AFAP1L2: variants seen among roughly 807,000 people sequenced by gnomAD.
AFAP1L2 encodes the protein actin filament associated protein 1 like 2.
A neutral mutation model predicts 99.3 loss-of-function variants in AFAP1L2; 46 were observed. The ratio of observed to expected loss-of-function variants is 0.46; its 90% confidence interval spans 0.37 to 0.59. The LOEUF is 0.59. Among genes scored for constraint, AFAP1L2 ranks in the 20% least tolerant of loss-of-function variants. The pLI is 0.00. For synonymous variants in AFAP1L2, 397 were observed against 419.1 expected (o/e 0.95, Z 0.64); for missense variants, 959 against 1,034.9 (o/e 0.93, Z 1.01).
downstream of AFAP1L2, chr10:114,291,336 T>G (rs1174737800): frequency 5.8e-6 from 8 of 1,385,666 alleles, no homozygotes; most frequent in African/African-American, 1.5e-5. Context: ...CTGGAATGTC[T>G]GTGCCCCAGG....
chr10:114,307,683 C>T, intron 10 of AFAP1L2, 122 bp downstream of exon 10: 2 of 762,676 alleles, frequency 2.6e-6, no homozygotes, highest in Admixed American at 2.3e-5. Flanking sequence ...TGCAGGCTCT[C>T]CATTCCTAGA....
chr10:114,349,172 G>A (rs930899845), intron 1 of AFAP1L2, among the ~76,000 whole-genome samples: 65 of 151,858 alleles, frequency 4.3e-4, no homozygotes, highest in African/African-American at 1.5e-3. Context: ...GAGGTCAAGG[G>A]TTTGAGACCA....
At chr10:114,392,888 C>G (rs1356129291) in intron 1 of AFAP1L2, among the ~76,000 whole-genome samples, 1 of 152,198 alleles carries the variant, frequency 6.6e-6, no homozygotes, top group Admixed American at 6.5e-5. Flanking sequence ...TCCAAGCTGC[C>G]TCAACCTTCC....
chr10:114,394,451 T>C (rs1039823731), intron 1 of AFAP1L2, among the ~76,000 whole-genome samples: 1 of 43,056 alleles, frequency 2.3e-5, no homozygotes, highest in Non-Finnish European at 4.8e-5. Context: ...CAGGAGAGAG[T>C]TGGGAGGGTC....
rs536141924 is a variant in AFAP1L2 at position 114,344,093 on chromosome 10, T to C, written c.17-3362A>G. On this transcript the variant is annotated intron_variant, in intron 1 of 18. Transcript: ENST00000304129. ...CCCTGATGGTCTGCAAACAAACATTTCCTACTGTGAAGTCCACGAGCATTG... is the reference window on the plus strand; with the variant it reads ...CCCTGATGGTCTGCAAACAAACATTCCCTACTGTGAAGTCCACGAGCATTG... Among the ~76,000 whole-genome samples the C allele has an allele frequency of 3.4e-4, 52 of 152,322 alleles. No individual in the cohort carries two copies. In the South Asian group the frequency reaches 8.3e-3, roughly 24 times the overall value.
intron 1 of AFAP1L2, among the ~76,000 whole-genome samples, chr10:114,366,055 G>A (rs1440725921): frequency 6.6e-6 from 1 of 151,980 alleles, no homozygotes; most frequent in African/African-American, 2.4e-5. Flanking sequence ...TTTTCTAGAT[G>A]CTCATCACGT....
chr10:114,339,737 G>C (rs543326393), intron 2 of AFAP1L2, among the ~76,000 whole-genome samples: 1 of 152,340 alleles, frequency 6.6e-6, no homozygotes, highest in Non-Finnish European at 1.5e-5. Context: ...ATTAAGGCCA[G>C]GCATGGTGGC....
chr10:114,333,750 G>T (rs2047543589), intron 2 of AFAP1L2, among the ~76,000 whole-genome samples: 1 of 152,182 alleles, frequency 6.6e-6, no homozygotes, highest in African/African-American at 2.4e-5. Context: ...GACAGAGTTT[G>T]CAGTGAGCTG....
intron 1 of AFAP1L2, among the ~76,000 whole-genome samples, chr10:114,347,099 A>G (rs1458390870): frequency 1.3e-5 from 2 of 152,228 alleles, no homozygotes; most frequent in East Asian, 3.8e-4. Flanking sequence ...CCTGCGCTTT[A>G]TATAGAAAGA....
chr10:114,399,937 C>T lies in AFAP1L2; in HGVS notation c.16+4503G>A, dbSNP rs527304223. ...TGGAAAGTCAGATAGAGGAACACTG[C>T]GAACACTGGAGGTTGTTTTCCAGAT... On this transcript the variant is annotated intron_variant, in intron 1 of 18. Coordinates refer to ENST00000304129, the MANE Select transcript of AFAP1L2 (RefSeq NM_001001936.3). Among the ~76,000 whole-genome samples, 16 of 152,280 alleles carry T rather than the reference C, an allele frequency of 1.1e-4. No homozygotes were observed. The South Asian group carries it at 2.7e-3, about 26-fold the overall frequency.
At position 114,300,555 on chromosome 10, in the gene AFAP1L2, G is replaced by A. The variant is rs977002229; in HGVS notation, c.1678C>T (p.Pro560Ser). The change falls in exon 14 of 19, where the codon CCG becomes TCG. Residue 560 changes from proline (P) to serine (S), a missense_variant. Transcript: ENST00000304129. ...GCATTGTCCAGGCAGGACAACGTCG[G>A]GGAGGAGGCCTGGGCCTGTGCACTG... ...PSSAQAQASS[P>S]TLSCLDNATE... is the part of the protein sequence containing the mutation. The A allele has an allele frequency of 1.5e-5, 25 of 1,614,050 alleles. No homozygotes were observed. In the Middle Eastern group the frequency reaches 6.6e-4, roughly 42 times the overall value.
At chr10:114,383,987 G>A (rs1003310719) in intron 1 of AFAP1L2, among the ~76,000 whole-genome samples, 1 of 152,126 alleles carries the variant, frequency 6.6e-6, no homozygotes, top group African/African-American at 2.4e-5. Context: ...CCGCCTTCCG[G>A]TCCTGCCCCT....
chr10:114,308,525 C>A lies in AFAP1L2; in HGVS notation c.883-8G>T. 5 of 1,613,066 alleles carry A rather than the reference C, an allele frequency of 3.1e-6. No individual in the cohort carries two copies. The highest frequency in any genetic ancestry group is 4.2e-6 in the Non-Finnish European group (5 of 1,179,150). On this transcript the variant is annotated splice_polypyrimidine_tract_variant and splice_region_variant and intron_variant, in intron 8 of 18. Coordinates refer to ENST00000304129, the MANE Select transcript of AFAP1L2 (RefSeq NM_001001936.3). ...CTTCTCAGCTATATCTGGCTATGGA[C>A]AAAAGCGACATGAATGGGGATCACT... is the stretch of plus-strand genomic sequence containing the variant.
At chr10:114,333,861 T>G (rs1345167865) in intron 2 of AFAP1L2, among the ~76,000 whole-genome samples, 1 of 152,176 alleles carries the variant, frequency 6.6e-6, no homozygotes, top group Non-Finnish European at 1.5e-5. Flanking sequence ...AGATCTGCCT[T>G]GTATTCCACC....
chr10:114,327,147 T>TTATATATATATATA (rs369500918), intron 4 of AFAP1L2, among the ~76,000 whole-genome samples: 3 of 54,534 alleles, frequency 5.5e-5, no homozygotes, highest in African/African-American at 8.1e-5. Context: ...TTATATATAT[T>TTATATATATATATA]TATATATATA....
At position 114,302,530 on chromosome 10, in the gene AFAP1L2, C is replaced by A. The variant is rs770251753; in HGVS notation, c.1285-46G>T. Reference sequence around the variant, plus strand: ...ACATAAGCAGGGCCAGGCAGTGCTGCCTGGTGCCAGCCCCTCCCCACCAGG... The same window carrying A: ...ACATAAGCAGGGCCAGGCAGTGCTGACTGGTGCCAGCCCCTCCCCACCAGG... On this transcript the variant is annotated intron_variant, in intron 11 of 18. Coordinates refer to ENST00000304129, the MANE Select transcript of AFAP1L2 (RefSeq NM_001001936.3). 4 of 1,610,250 alleles carry A rather than the reference C, an allele frequency of 2.5e-6. No homozygotes were observed. In the Admixed American group the frequency reaches 6.7e-5, roughly 27 times the overall value.
At chr10:114,307,616 G>C (rs1202214411) in intron 10 of AFAP1L2, among the ~76,000 whole-genome samples, 189 bp downstream of exon 10, 1 of 152,082 alleles carries the variant, frequency 6.6e-6, no homozygotes, top group Non-Finnish European at 1.5e-5. Context: ...CAGCAAGAGA[G>C]AGTTGGATCA....
In AFAP1L2 at chr10:114,310,358, T is replaced by C. The variant is rs1564824254; in HGVS notation, c.878A>G (p.Gln293Arg). ...CCAGGCAGGGCAGAGGCTTACTTTC[T>C]GGCAGTTAAAGCGCTGGGCATCCGG... ...YTPDAQRFNC[Q>R]KPDIAEKYLS... The change falls in exon 8 of 19, where the codon CAG (glutamine) becomes CGG (arginine). Residue 293 changes from glutamine to arginine, a missense_variant. Around this residue, in one of 2 missense-constraint regions of AFAP1L2, gnomAD observed 383 missense variants for 472.8 expected, o/e 0.81. Coordinates refer to ENST00000304129, the MANE Select transcript of AFAP1L2 (RefSeq NM_001001936.3). The C allele has an allele frequency of 6.2e-7, 1 of 1,612,972 alleles. No individual in the cohort carries two copies. Among genetic ancestry groups the C allele is most frequent in the Non-Finnish European group, 8.5e-7 (1 of 1,179,590 alleles).
intron 1 of AFAP1L2, among the ~76,000 whole-genome samples, chr10:114,365,721 C>T (rs2053130314): frequency 8.7e-6 from 1 of 114,776 alleles, no homozygotes; most frequent in South Asian, 2.7e-4. Flanking sequence ...TTCTCTCTCT[C>T]TCTTTTTTTT....
Sources: allele counts gnomAD v4.1 joint callset (sites outside exome capture counted in the v4.1 genomes callset), GRCh38; gene constraint gnomAD v4.1.1; regional missense constraint gnomAD v4.1.1; transcripts MANE v1.5; gene names NCBI Gene and HGNC (gene_info 2026-07-23, HGNC 2026-07-21).